The following PIK3IP1 variants were observed in gnomAD, a reference collection of about 807,000 sequenced individuals.
The protein encoded by PIK3IP1 is phosphoinositide-3-kinase-interacting protein 1.
In PIK3IP1, 28 loss-of-function variants were observed where a neutral mutation model predicts 30.7. The observed-to-expected ratio is 0.91, with a 90% CI of 0.68 to 1.25. PIK3IP1 has a LOEUF of 1.25. Ranked by LOEUF, PIK3IP1 falls within the 50% of genes most tolerant of loss-of-function variation. The pLI is 0.00. For missense variants in PIK3IP1, 333 were observed against 346.2 expected (o/e 0.96, Z 0.30); for synonymous variants, 159 against 140.8 (o/e 1.13, Z -0.91).
At position 31,289,223 on chromosome 22, in the gene PIK3IP1, C is replaced by T. The variant is rs775318760; in HGVS notation, c.587+92G>A. The T allele has an allele frequency of 6.3e-6, 8 of 1,277,218 alleles. No individual in the cohort carries two copies. In the East Asian group the frequency reaches 1.9e-4, roughly 30 times the overall value. 79.1% of individuals were successfully genotyped at this position (1,277,218 alleles called of 1,614,324 possible). Reference sequence around the variant, plus strand: ...TACATCTTGAGCTGATTTTCAACATCTTGCTTCCTTTTGGGTAAGAAAGCC... The same window carrying T: ...TACATCTTGAGCTGATTTTCAACATTTTGCTTCCTTTTGGGTAAGAAAGCC... On this transcript the variant is annotated intron_variant, in intron 5 of 5. Transcript: ENST00000215912.
At position 31,292,373 on chromosome 22, in the gene PIK3IP1, G is replaced by C. The variant is rs1258039414; in HGVS notation, c.-29C>G. The stretch of plus-strand genomic sequence containing the variant: ...TGCCTCCTTCGTCTTGCAGGTGATT[G>C]AACGACCAGTGTTTAACCGAGGCCC... On this transcript the variant is annotated 5_prime_UTR_variant, in exon 1 of 6. Transcript: ENST00000215912. 1.9e-6 allele frequency: 3 copies of C among 1,611,366 alleles called. No individual in the cohort carries two copies. Among genetic ancestry groups the C allele is most frequent in the Non-Finnish European group, 2.5e-6 (3 of 1,177,560 alleles).
intron 1 of PIK3IP1, among the ~76,000 whole-genome samples, chr22:31,291,845 C>T (rs1212464901): frequency 6.6e-6 from 1 of 152,180 alleles, no homozygotes; most frequent in Admixed American, 6.5e-5. Context: ...GGAGCCTTGA[C>T]TCCGTCAGGC....
Position 31,291,186 on chromosome 22 carries a change from C to A in PIK3IP1, c.181G>T (p.Val61Leu), listed in dbSNP as rs200641882. The change falls in exon 2 of 6, where the codon GTG becomes TTG. Residue 61 changes from valine (V) to leucine (L), a missense_variant. Transcript: ENST00000215912. Reference sequence around the variant, plus strand: ...TCCCCCGGAGGACACTTACCCGACACGGGGGCCGAGGCCAGCCCGCTCTGC... The same window carrying A: ...TCCCCCGGAGGACACTTACCCGACAAGGGGGCCGAGGCCAGCCCGCTCTGC... ...DAQSGLASAP[V>L]SGAGNHSYCR... 2 of 1,546,644 alleles carry A rather than the reference C, an allele frequency of 1.3e-6. No homozygotes were observed. Among genetic ancestry groups the A allele is most frequent in the South Asian group, 2.4e-5 (2 of 83,924 alleles).
At position 31,292,405 on chromosome 22, in the gene PIK3IP1, C is replaced by A; in HGVS notation, c.-61G>T. ...CAGTGTTTAACCGAGGCCCCCTTGGCGGCGGCTCTGCCTCCCAGTCCCAGC... is the reference window on the plus strand; with the variant it reads ...CAGTGTTTAACCGAGGCCCCCTTGGAGGCGGCTCTGCCTCCCAGTCCCAGC... On this transcript the variant is annotated 5_prime_UTR_variant, in exon 1 of 6. Coordinates refer to ENST00000215912, the MANE Select transcript of PIK3IP1 (RefSeq NM_052880.5). 1 of 1,515,834 alleles carries A rather than the reference C, an allele frequency of 6.6e-7. No homozygotes were observed. Among genetic ancestry groups the A allele is most frequent in the Non-Finnish European group, 9.2e-7 (1 of 1,091,354 alleles). The allele number at this position is 1,515,834 out of a possible 1,614,324, so 93.9% of individuals were successfully genotyped here.
intron 3 of PIK3IP1, 99 bp downstream of exon 3, chr22:31,290,866 G>A: frequency 2.1e-6 from 3 of 1,421,648 alleles, no homozygotes; most frequent in African/African-American, 1.5e-5. Context: ...AGGCGGAGCG[G>A]GGCCGGCCGG....
At chr22:31,289,883 G>C (rs372588625) in intron 3 of PIK3IP1, 184 bp from the exon 4 acceptor site, 1 of 576,614 alleles carries the variant, frequency 1.7e-6, no homozygotes, top group East Asian at 3.0e-5. Context: ...ACCATCTCAG[G>C]GACAAGGCAA....
At chr22:31,289,097 C>CG in intron 5 of PIK3IP1, 1 of 592,622 alleles carries the variant, frequency 1.7e-6, no homozygotes, top group Non-Finnish European at 3.1e-6. Flanking sequence ...TTGTAAAATG[C>CG]GGAACAAGAA....
chr22:31,291,356 C>T, intron 1 of PIK3IP1, 60 bp from the exon 2 acceptor site: 1 of 1,508,302 alleles, frequency 6.6e-7, no homozygotes, highest in Non-Finnish European at 9.0e-7. Flanking sequence ...AGACGCCCAG[C>T]GTGGCGGACA....
chr22:31,291,847 C>T (rs1318187575), intron 1 of PIK3IP1, among the ~76,000 whole-genome samples: 1 of 152,220 alleles, frequency 6.6e-6, no homozygotes, highest in Admixed American at 6.5e-5. Flanking sequence ...AGCCTTGACT[C>T]CGTCAGGCAA....
rs541213034 is a variant in PIK3IP1, at chr22:31,290,894, T to C, written c.307+71A>G. ...CCGGCCGGCATCGCGCGGCCGCACG[T>C]GCGCCACGAGTGTCTCAGCCGCTTC... is the stretch of plus-strand genomic sequence containing the variant. On this transcript the variant is annotated intron_variant, in intron 3 of 5. Transcript: ENST00000215912. 97 of 1,471,626 alleles carry C rather than the reference T, an allele frequency of 6.6e-5. No individual in the cohort carries two copies. In the African/African-American group the frequency reaches 1.3e-3, roughly 20 times the overall value. The allele number at this position is 1,471,626 out of a possible 1,614,324, so 91.2% of individuals were successfully genotyped here.
rs1429155761 is a variant in PIK3IP1 at position 31,289,320 on chromosome 22, G to A, written c.582C>T (p.Tyr194=). 2 of 1,614,054 alleles carry A rather than the reference G, an allele frequency of 1.2e-6. No homozygotes were observed. Among genetic ancestry groups the A allele is most frequent in the Non-Finnish European group, 1.7e-6 (2 of 1,179,908 alleles). The change falls in exon 5 of 6, where the codon TAC becomes TAT. Residue 194 remains tyrosine, a synonymous_variant. Transcript: ENST00000215912. ...IGAGIILGYS[Y]KRGKDLKEQH... is the part of the protein sequence containing the mutation. Reference sequence around the variant, plus strand: ...CCAGAAGAGAAGCTACTGACCTCTTGTAGGAGTAGCCCAAGATGATGCCAG... The same window carrying A: ...CCAGAAGAGAAGCTACTGACCTCTTATAGGAGTAGCCCAAGATGATGCCAG...
chr22:31,283,174 C>G lies in PIK3IP1; in HGVS notation c.702G>C (p.Lys234Asn). ...TCTGGCTGGTGTGGACCACGACAGT[C>G]TTCTCATCCACAATCTCACAGGTGG... ...TNPTCEIVDEKTVVVHTSQTP... is the reference protein window; with the variant it reads ...TNPTCEIVDENTVVVHTSQTP... The change falls in exon 6 of 6, where the codon AAG becomes AAC. Residue 234 changes from lysine to asparagine, a missense_variant. Lys to Asn is a moderately conservative substitution (Grantham distance 94, BLOSUM62 0). Transcript: ENST00000215912. 1 of 1,614,222 alleles carries G rather than the reference C, an allele frequency of 6.2e-7. No individual in the cohort carries two copies. The highest frequency in any genetic ancestry group is 8.5e-7 in the Non-Finnish European group (1 of 1,180,040).
At chr22:31,290,866 G>GGGCCGGCCGGCATCGCGC (rs1397569514) in intron 3 of PIK3IP1, 99 bp downstream of exon 3, 27 of 1,421,528 alleles carry the variant, frequency 1.9e-5, no homozygotes, top group Middle Eastern at 5.2e-4. Context: ...AGGCGGAGCG[G>GGGCCGGCCGGCATCGCGC]GGCCGGCCGG....
intron 5 of PIK3IP1, among the ~76,000 whole-genome samples, chr22:31,284,979 G>A (rs1038206244): frequency 2.6e-5 from 4 of 151,976 alleles, no homozygotes; most frequent in African/African-American, 4.8e-5. Flanking sequence ...CAGAGCTCAA[G>A]GCTTACAGTA....
rs2123882061 is a variant in PIK3IP1, at chr22:31,281,854, T to TA, written c.*1229dup. The TA allele has an allele frequency of 6.5e-6, 1 of 152,798 alleles. No homozygotes were observed. The highest frequency in any genetic ancestry group is 2.4e-5 in the African/African-American group (1 of 41,576). 9.5% of individuals were successfully genotyped at this position (152,798 alleles called of 1,614,324 possible). A position where few individuals can be genotyped will look rare whatever the true frequency, so the allele number is the denominator to read the frequency against. On this transcript the variant is annotated 3_prime_UTR_variant, in exon 6 of 6. Coordinates refer to ENST00000215912, the MANE Select transcript of PIK3IP1 (RefSeq NM_052880.5). ...TGGAAGGGTTCTGGAAAGGAAGCTC[T>TA]ATGGCTAGGAGCTGCCAAGGCCTCT...
At chr22:31,289,026 C>T (rs2049152204) in intron 5 of PIK3IP1, 1 of 524,058 alleles carries the variant, frequency 1.9e-6, no homozygotes, top group Admixed American at 3.6e-5. Context: ...GGTCTGAATC[C>T]AGGTTCTGCC....
chr22:31,288,382 A>C (rs1484934897), intron 5 of PIK3IP1, among the ~76,000 whole-genome samples: 5 of 147,170 alleles, frequency 3.4e-5, no homozygotes, highest in Non-Finnish European at 7.4e-5. Context: ...CTGAAAAAAA[A>C]AAATCAAAGA....
intron 5 of PIK3IP1, among the ~76,000 whole-genome samples, chr22:31,284,962 C>A (rs1260974581): frequency 1.3e-5 from 2 of 151,966 alleles, no homozygotes; most frequent in Non-Finnish European, 2.9e-5. Context: ...AGCCTCATGG[C>A]CTTTGGCAGA....
intron 1 of PIK3IP1, among the ~76,000 whole-genome samples, chr22:31,291,708 C>T (rs2049181152): frequency 6.6e-6 from 1 of 152,100 alleles, no homozygotes; most frequent in Non-Finnish European, 1.5e-5. Flanking sequence ...GGGGGGCGCC[C>T]AGACGTGACA....
Sources: allele counts gnomAD v4.1 joint callset (sites outside exome capture counted in the v4.1 genomes callset), GRCh38; gene constraint gnomAD v4.1.1; transcripts MANE v1.5; gene names NCBI Gene and HGNC (gene_info 2026-07-23, HGNC 2026-07-21).